ARMC8: variants seen among roughly 807,000 people sequenced by gnomAD.
ARMC8 encodes armadillo repeat containing 8.
ARMC8 carries 20 observed loss-of-function variants against 99.3 expected under a neutral mutation model. That is an observed-to-expected ratio of 0.20 (90% CI 0.14 to 0.29). The LOEUF is 0.29. ARMC8 is among the 10% of genes least tolerant of loss of function. The pLI is 1.00. For synonymous variants in ARMC8, 263 were observed against 278.3 expected (o/e 0.95, Z 0.55); for missense variants, 569 against 809.5 (o/e 0.70, Z 3.60).
At chr3:138,238,967 T>C (rs1210952508) in intron 9 of ARMC8, 1 of 152,326 alleles carries the variant, frequency 6.6e-6, no homozygotes, top group Non-Finnish European at 1.5e-5. Context: ...AAGCCCCTGC[T>C]GTTAACCTCT....
Position 138,290,690 on chromosome 3 carries a change from G to A in ARMC8, c.1988+51G>A, listed in dbSNP as rs376337263. 192 of 1,263,888 alleles carry A rather than the reference G, an allele frequency of 1.5e-4. 1 individual carries two copies. Among genetic ancestry groups the A allele is most frequent in the South Asian group, 1.2e-3 (95 of 76,526 alleles). 78.3% of individuals were successfully genotyped at this position (1,263,888 alleles called of 1,614,324 possible). The stretch of plus-strand genomic sequence containing the variant: ...GCTTTGGGCTGTGTTGGATTCTTTC[G>A]TGAAAGGGTTTGAATTGCTTGGTAA... On this transcript the variant is annotated intron_variant, in intron 21 of 21. Coordinates refer to ENST00000469044, the MANE Select transcript of ARMC8 (RefSeq NM_001363941.2).
intron 2 of ARMC8, among the ~76,000 whole-genome samples, chr3:138,216,212 A>G (rs2045030993): frequency 1.3e-5 from 2 of 152,244 alleles, no homozygotes; most frequent in South Asian, 4.1e-4. Flanking sequence ...TATTCCAAAA[A>G]TCCACATCAC....
chr3:138,238,763 A>C (rs992167605), intron 9 of ARMC8: 2 of 152,232 alleles, frequency 1.3e-5, no homozygotes, highest in African/African-American at 4.8e-5. Context: ...TTTCGGTAGA[A>C]GCCAACGTGA....
At chr3:138,242,037 T>C in intron 11 of ARMC8, 54 bp downstream of exon 11, 1 of 1,498,492 alleles carries the variant, frequency 6.7e-7, no homozygotes. Context: ...AAAGTTTTTC[T>C]TACTGTTCAC....
intron 12 of ARMC8, among the ~76,000 whole-genome samples, chr3:138,247,829 T>A (rs2046952264): frequency 6.6e-6 from 1 of 152,234 alleles, no homozygotes; most frequent in Admixed American, 6.5e-5. Flanking sequence ...TTACCACCCC[T>A]GCTTTGAAGC....
chr3:138,246,908 C>CA, intron 12 of ARMC8: 1 of 826,460 alleles, frequency 1.2e-6, no homozygotes, highest in Non-Finnish European at 1.5e-6. Flanking sequence ...TGTGGTAAAG[C>CA]AAAGATACTG....
chr3:138,212,584 G>A (rs558794057), intron 2 of ARMC8, among the ~76,000 whole-genome samples: 1 of 152,238 alleles, frequency 6.6e-6, no homozygotes, highest in South Asian at 2.1e-4. Flanking sequence ...TGGGATTACA[G>A]GCGTGAGCCA....
chr3:138,202,360 G>T (rs754254248), intron 1 of ARMC8, among the ~76,000 whole-genome samples: 1 of 152,174 alleles, frequency 6.6e-6, no homozygotes, highest in African/African-American at 2.4e-5. Flanking sequence ...AGTATATTTG[G>T]TTTTTGCTGA....
At position 138,228,901 on chromosome 3, in the gene ARMC8, G is replaced by A; in HGVS notation, c.436-17G>A. The A allele has an allele frequency of 1.3e-6, 2 of 1,558,178 alleles. No individual in the cohort carries two copies. The highest frequency in any genetic ancestry group is 1.8e-6 in the Non-Finnish European group (2 of 1,133,170). ...CATGGTGCCTGAGTTTCTTGTTGCT[G>A]TGTTCTCCTTCCCTAGGATGCCACA... is the stretch of plus-strand genomic sequence containing the variant. On this transcript the variant is annotated splice_polypyrimidine_tract_variant and intron_variant, in intron 5 of 21. Coordinates refer to ENST00000469044, the MANE Select transcript of ARMC8 (RefSeq NM_001363941.2).
intron 19 of ARMC8, among the ~76,000 whole-genome samples, chr3:138,286,840 T>C (rs1279886278): frequency 4.6e-5 from 7 of 152,340 alleles, no homozygotes; most frequent in Admixed American, 4.6e-4. Context: ...TAGACCTCTC[T>C]TCCAAACTCT....
At chr3:138,252,402 A>G (rs1027676175) in intron 12 of ARMC8, among the ~76,000 whole-genome samples, 7 of 151,896 alleles carry the variant, frequency 4.6e-5, no homozygotes, top group African/African-American at 1.7e-4. Flanking sequence ...TGGCCCTTAC[A>G]GAAAAAGTTT....
At chr3:138,282,343 G>T (rs1032417752) in intron 18 of ARMC8, among the ~76,000 whole-genome samples, 1 of 152,004 alleles carries the variant, frequency 6.6e-6, no homozygotes, top group Non-Finnish European at 1.5e-5. Context: ...TGATGGAGAG[G>T]GAGAGAGAAA....
intron 2 of ARMC8, among the ~76,000 whole-genome samples, chr3:138,213,777 A>G (rs1215738654): frequency 6.6e-6 from 1 of 152,234 alleles, no homozygotes; most frequent in Admixed American, 6.5e-5. Flanking sequence ...ATCATGAGTG[A>G]AAGCTACTTA....
At chr3:138,251,889 A>C (rs1046401407) in intron 12 of ARMC8, among the ~76,000 whole-genome samples, 2 of 152,228 alleles carry the variant, frequency 1.3e-5, no homozygotes, top group Non-Finnish European at 2.9e-5. Context: ...TAAAAGACAG[A>C]GGTTATATAC....
In ARMC8 at chr3:138,187,615, C is replaced by G; in HGVS notation, c.45+16C>G. The G allele has an allele frequency of 1.3e-6, 2 of 1,535,464 alleles. No homozygotes were observed. Among genetic ancestry groups the G allele is most frequent in the South Asian group, 2.4e-5 (2 of 84,046 alleles). Reference sequence around the variant, plus strand: ...CGTCCTTTCGGTGAGTGACCCGCCGCGGCCGCCCGCCCGCCCTCCAGGAAG... The same window carrying G: ...CGTCCTTTCGGTGAGTGACCCGCCGGGGCCGCCCGCCCGCCCTCCAGGAAG... On this transcript the variant is annotated intron_variant, in intron 1 of 21. Transcript: ENST00000469044.
intron 12 of ARMC8, among the ~76,000 whole-genome samples, chr3:138,249,102 GATGA>G (rs532759472): frequency 1.3e-5 from 2 of 152,066 alleles, no homozygotes; most frequent in Non-Finnish European, 2.9e-5. Flanking sequence ...ATAAATAATT[GATGA>G]ATGAATGAAT....
At chr3:138,282,376 G>A (rs1276653364) in intron 18 of ARMC8, among the ~76,000 whole-genome samples, 8 of 152,138 alleles carry the variant, frequency 5.3e-5, no homozygotes, top group East Asian at 1.9e-4. Flanking sequence ...GGCTGGGCAC[G>A]GTGGCTCATG....
intron 11 of ARMC8, among the ~76,000 whole-genome samples, chr3:138,242,545 A>G (rs992529559): frequency 5.3e-5 from 8 of 152,128 alleles, no homozygotes; most frequent in African/African-American, 1.9e-4. Flanking sequence ...CTTAGAATAG[A>G]TCGGTATTTA....
intron 1 of ARMC8, among the ~76,000 whole-genome samples, chr3:138,198,407 A>G (rs554868214): frequency 1.6e-4 from 24 of 152,098 alleles, no homozygotes; most frequent in African/African-American, 5.3e-4. Context: ...TGGCTTGCCC[A>G]CTGTAATATA....
Sources: allele counts gnomAD v4.1 joint callset (sites outside exome capture counted in the v4.1 genomes callset), GRCh38; gene constraint gnomAD v4.1.1; transcripts MANE v1.5; gene names NCBI Gene and HGNC (gene_info 2026-07-23, HGNC 2026-07-21).